SEC22A: variants seen among roughly 807,000 people sequenced by gnomAD.
SEC22A encodes the protein vesicle-trafficking protein SEC22a.
SEC22A carries 22 observed loss-of-function variants against 35.3 expected under a neutral mutation model. The observed-to-expected ratio is 0.62, with a 90% CI of 0.45 to 0.89. SEC22A has a LOEUF of 0.89. Among genes scored for constraint, SEC22A ranks in the 40% least tolerant of loss-of-function variants. The pLI, the probability that SEC22A is intolerant of heterozygous loss-of-function variation, is 0.00. For synonymous variants in SEC22A, 119 were observed against 129.5 expected (o/e 0.92, Z 0.55); for missense variants, 354 against 362.5 (o/e 0.98, Z 0.19).
chr3:123,236,474 A>G (rs1048782263), intron 4 of SEC22A, among the ~76,000 whole-genome samples: 1 of 152,206 alleles, frequency 6.6e-6, no homozygotes, highest in Non-Finnish European at 1.5e-5. Flanking sequence ...AGATGAGCCC[A>G]GTGTTCAGAG....
intron 2 of SEC22A, among the ~76,000 whole-genome samples, chr3:123,221,470 CAAAAAAA>C (rs56800842): frequency 1.6e-5 from 1 of 60,612 alleles, no homozygotes; most frequent in East Asian, 6.4e-4. Flanking sequence ...GAGTCCATCT[CAAAAAAA>C]AAAAAAAAAA....
At chr3:123,248,361 T>A (rs2108080879) in intron 5 of SEC22A, among the ~76,000 whole-genome samples, 2 of 152,298 alleles carry the variant, frequency 1.3e-5, no homozygotes, top group Admixed American at 1.3e-4. Flanking sequence ...AGCAAAAACC[T>A]GGGATTAATA....
rs898337562 is a variant in SEC22A, at chr3:123,272,223, T to C, written c.*501T>C. ...TACTACGAGTTTATAAAGTCCAAGA[T>C]GGTGTGAAATTGGTTCTTTTTACTT... On this transcript the variant is annotated 3_prime_UTR_variant, in exon 7 of 7. Coordinates refer to ENST00000492595, the MANE Select transcript of SEC22A (RefSeq NM_012430.5). The C allele has an allele frequency of 1.3e-5, 2 of 153,450 alleles. No individual in the cohort carries two copies. Among genetic ancestry groups the C allele is most frequent in the African/African-American group, 4.8e-5 (2 of 41,594 alleles). The allele number at this position is 153,450 out of a possible 1,614,324, so 9.5% of individuals were successfully genotyped here.
intron 6 of SEC22A, among the ~76,000 whole-genome samples, chr3:123,269,271 A>G (rs559062236): frequency 2.0e-5 from 3 of 152,032 alleles, no homozygotes; most frequent in Admixed American, 6.6e-5. Context: ...AGCAATAAAT[A>G]TAGATAAAAA....
rs80149235 is a variant in SEC22A, at chr3:123,237,250, T to C, written c.542-8649T>C. ...TAGCCTTGTGAAAATATGGTAAATA[T>C]ACTGATATCTTTATCAGGTAAAAGT... On this transcript the variant is annotated intron_variant, in intron 4 of 6. Coordinates refer to ENST00000492595, the MANE Select transcript of SEC22A (RefSeq NM_012430.5). Among the ~76,000 whole-genome samples, 26 of 152,364 alleles carry C rather than the reference T, an allele frequency of 1.7e-4. No individual in the cohort carries two copies. In the East Asian group the frequency reaches 5.0e-3, roughly 29 times the overall value.
Position 123,222,516 on chromosome 3 carries a change from GC to G in SEC22A, c.183-1042del, listed in dbSNP as rs538847564. Reference sequence around the variant, plus strand: ...CGGCCTCTTTAGCTTCTTTTGATTGGCAACATTTCCACATCCTTTATTTCTT... The same window carrying G: ...CGGCCTCTTTAGCTTCTTTTGATTGGAACATTTCCACATCCTTTATTTCTT... On this transcript the variant is annotated intron_variant, in intron 2 of 6. Transcript: ENST00000492595. Among the ~76,000 whole-genome samples the G allele has an allele frequency of 4.5e-3, 682 of 151,984 alleles. 5 individuals carry two copies. Among genetic ancestry groups the G allele is most frequent in the African/African-American group, 0.016 (652 of 41,476 alleles).
intron 2 of SEC22A, among the ~76,000 whole-genome samples, chr3:123,215,614 C>T (rs896569133): frequency 3.3e-5 from 5 of 152,118 alleles, no homozygotes; most frequent in Admixed American, 6.6e-5. Flanking sequence ...CCCTATTTTA[C>T]AGATAAGGTA....
intron 4 of SEC22A, among the ~76,000 whole-genome samples, chr3:123,239,306 TTTA>T (rs1427978734): frequency 6.6e-6 from 1 of 152,132 alleles, no homozygotes; most frequent in Non-Finnish European, 1.5e-5. Context: ...TGTTTTTTAT[TTTA>T]TTATTATTTA....
intron 2 of SEC22A, among the ~76,000 whole-genome samples, chr3:123,218,026 A>G (rs1937063627): frequency 6.6e-6 from 1 of 152,244 alleles, no homozygotes; most frequent in Non-Finnish European, 1.5e-5. Context: ...TTTCTTCGAC[A>G]GTTTGTAAAT....
At position 123,237,034 on chromosome 3, in the gene SEC22A, T is replaced by C. The variant is rs189997789; in HGVS notation, c.542-8865T>C. Among the ~76,000 whole-genome samples the C allele has an allele frequency of 1.2e-4, 19 of 152,338 alleles. No homozygotes were observed. The East Asian group carries it at 3.1e-3, about 25-fold the overall frequency. On this transcript the variant is annotated intron_variant, in intron 4 of 6. Coordinates refer to ENST00000492595, the MANE Select transcript of SEC22A (RefSeq NM_012430.5). ...ATTAGCAGCGAAAACTTTCGGTCTC[T>C]AGGTTTTGCAGGTCATATGGCCTCT...
chr3:123,241,002 TAC>T (rs35775511), intron 4 of SEC22A, among the ~76,000 whole-genome samples: 21,104 of 142,522 alleles, frequency 0.15, 1,620 homozygotes, highest in Middle Eastern at 0.21. Flanking sequence ...CTCTCTTTCT[TAC>T]ACACACACAC....
At chr3:123,270,370 A>G (rs1314254707) in intron 6 of SEC22A, among the ~76,000 whole-genome samples, 1 of 152,226 alleles carries the variant, frequency 6.6e-6, no homozygotes, top group Non-Finnish European at 1.5e-5. Flanking sequence ...AAACATATTT[A>G]ACAGAACATT....
At chr3:123,253,644 G>A (rs565738925) in intron 5 of SEC22A, among the ~76,000 whole-genome samples, 8 of 151,384 alleles carry the variant, frequency 5.3e-5, no homozygotes, top group East Asian at 3.9e-4. Flanking sequence ...CCTGGGAGGC[G>A]GAGGTTGTAG....
intron 2 of SEC22A, among the ~76,000 whole-genome samples, chr3:123,213,900 T>C (rs1394719947): frequency 6.6e-6 from 1 of 152,084 alleles, no homozygotes; most frequent in African/African-American, 2.4e-5. Flanking sequence ...TTGAGATAAT[T>C]AGGCTGGGTC....
intron 1 of SEC22A, among the ~76,000 whole-genome samples, chr3:123,206,152 G>T (rs1236582001): frequency 6.6e-6 from 1 of 152,142 alleles, no homozygotes; most frequent in African/African-American, 2.4e-5. Flanking sequence ...TCATCACCCA[G>T]GTTGGACTGC....
chr3:123,267,838 A>G (rs535542143), intron 6 of SEC22A, among the ~76,000 whole-genome samples: 3 of 152,320 alleles, frequency 2.0e-5, no homozygotes, highest in Admixed American at 1.3e-4. Flanking sequence ...TTGAATACAG[A>G]ATTCTGGATT....
chr3:123,245,970 CT>C lies in SEC22A; in HGVS notation c.614del (p.Leu205ArgfsTer3), dbSNP rs1937562757. Reference sequence around the variant, plus strand: ...TATCCTTAGTCTTTTATGTGGAGCTCTGAATTTAATTCGAGGCTTTCATGCT... The same window carrying C: ...TATCCTTAGTCTTTTATGTGGAGCTCGAATTTAATTCGAGGCTTTCATGCT... Reference protein sequence around the residue: ...GFILSLLCGALNLIRGFHAIE... With the variant: ...GFILSLLCGAXNLIRGFHAIE... On this transcript the variant is annotated frameshift_variant, in exon 5 of 7. Coordinates refer to ENST00000492595, the MANE Select transcript of SEC22A (RefSeq NM_012430.5). LOFTEE classifies it high-confidence loss of function. 3 of 1,613,254 alleles carry C rather than the reference CT, an allele frequency of 1.9e-6. No homozygotes were observed. The highest frequency in any genetic ancestry group is 2.5e-6 in the Non-Finnish European group (3 of 1,179,316).
chr3:123,248,804 C>G (rs150319800), intron 5 of SEC22A, among the ~76,000 whole-genome samples: 2 of 152,352 alleles, frequency 1.3e-5, no homozygotes, highest in African/African-American at 4.8e-5. Context: ...TCTCACGATT[C>G]TCAATACTTC....
chr3:123,257,399 T>A (rs1308137692), intron 5 of SEC22A, among the ~76,000 whole-genome samples: 1 of 152,192 alleles, frequency 6.6e-6, no homozygotes, highest in African/African-American at 2.4e-5. Flanking sequence ...CTCCTAAGTG[T>A]TTTAAAGGCA....
Sources: gnomAD v4.1 joint callset for allele counts (sites outside exome capture counted in the v4.1 genomes callset) on GRCh38, gnomAD v4.1.1 for gene constraint, MANE v1.5 for transcripts, NCBI Gene and HGNC (gene_info 2026-07-23, HGNC 2026-07-21) for gene names.